HPSE2: variants seen among roughly 807,000 people sequenced by gnomAD.
The protein encoded by HPSE2 is inactive heparanase-2.
HPSE2 carries 38 observed loss-of-function variants against 60.5 expected under a neutral mutation model. The observed-to-expected ratio is 0.63, with a 90% CI of 0.48 to 0.82. The LOEUF (loss-of-function observed/expected upper bound fraction) is 0.82, where lower values mean the gene tolerates loss of function less well. Among genes scored for constraint, HPSE2 ranks in the 40% least tolerant of loss-of-function variants. The probability of loss-of-function intolerance (pLI) is 0.00; values close to 1 mark genes in which losing one functional copy is unlikely to be tolerated. For synonymous variants in HPSE2, 295 were observed against 293.2 expected (o/e 1.01, Z -0.06); for missense variants, 713 against 740.4 (o/e 0.96, Z 0.43).
chr10:98,936,840 G>A lies in HPSE2; in HGVS notation c.611-192784C>T, dbSNP rs1216635729. Among the ~76,000 whole-genome samples the A allele has an allele frequency of 4.2e-4, 59 of 140,608 alleles. 13 individuals carry two copies. The highest frequency in any genetic ancestry group is 1.6e-3 in the African/African-American group (53 of 33,634). The allele number at this position is 140,608 out of a possible 152,430, so 92.2% of individuals were successfully genotyped here. A position where few individuals can be genotyped will look rare whatever the true frequency, so the allele number is the denominator to read the frequency against. On this transcript the variant is annotated intron_variant, in intron 3 of 11. Coordinates refer to ENST00000370552, the MANE Select transcript of HPSE2 (RefSeq NM_021828.5). Reference sequence around the variant, plus strand: ...CTAAAAATACAAAAATTAGCTGGGCGTGGTAGCACACACCTGTAATCCCAG... The same window carrying A: ...CTAAAAATACAAAAATTAGCTGGGCATGGTAGCACACACCTGTAATCCCAG...
intron 2 of HPSE2, among the ~76,000 whole-genome samples, chr10:99,222,133 AG>A (rs1179893423): frequency 6.6e-6 from 1 of 152,048 alleles, no homozygotes; most frequent in Non-Finnish European, 1.5e-5. Context: ...CCTTTCCTCT[AG>A]GGGAAAGGCC....
At chr10:99,077,787 C>G (rs933488250) in intron 3 of HPSE2, among the ~76,000 whole-genome samples, 1 of 151,798 alleles carries the variant, frequency 6.6e-6, no homozygotes, top group Non-Finnish European at 1.5e-5. Flanking sequence ...TTTGTTAATA[C>G]ATTGTTCTCC....
At chr10:98,533,752 G>GTAGA (rs1284885844) in intron 9 of HPSE2, among the ~76,000 whole-genome samples, 6 of 152,284 alleles carry the variant, frequency 3.9e-5, no homozygotes, top group Admixed American at 2.6e-4. Context: ...GCAGACTTTG[G>GTAGA]TAGACTCTGG....
rs745785552 is a variant in HPSE2 at position 98,614,923 on chromosome 10, T to C, written c.1301A>G (p.Gln434Arg). ...ACTTACTGGTAATGGGTTAAAATTCTGGTCCACGAGGTGATTGTATCCATG... is the reference window on the plus strand; with the variant it reads ...ACTTACTGGTAATGGGTTAAAATTCCGGTCCACGAGGTGATTGTATCCATG... Reference protein sequence around the residue: ...FDHGYNHLVDQNFNPLPDYWL... With the variant: ...FDHGYNHLVDRNFNPLPDYWL... Residue 434 changes from glutamine to arginine, a missense_variant, in exon 9 of 12, where the codon CAG becomes CGG. Gln to Arg is a conservative substitution (Grantham distance 43). Transcript: ENST00000370552. 60 of 1,612,790 alleles carry C rather than the reference T, an allele frequency of 3.7e-5. No homozygotes were observed. Among genetic ancestry groups the C allele is most frequent in the Non-Finnish European group, 4.9e-5 (58 of 1,178,860 alleles).
intron 3 of HPSE2, among the ~76,000 whole-genome samples, chr10:98,888,158 A>ACT (rs1953224975): frequency 6.6e-6 from 1 of 151,370 alleles, no homozygotes; most frequent in South Asian, 2.1e-4. Context: ...ACACACACAC[A>ACT]CACACACACA....
At chr10:98,742,808 C>CAT (rs1306520707) in intron 4 of HPSE2, among the ~76,000 whole-genome samples, 17 of 151,342 alleles carry the variant, frequency 1.1e-4, no homozygotes, top group Non-Finnish European at 2.1e-4. Flanking sequence ...CACACACACA[C>CAT]ACACACACAC....
chr10:98,939,984 T>G lies in HPSE2; in HGVS notation c.611-195928A>C, dbSNP rs1287996064. On this transcript the variant is annotated intron_variant, in intron 3 of 11. Coordinates refer to ENST00000370552, the MANE Select transcript of HPSE2 (RefSeq NM_021828.5). ...GAACAACCTGCTCCTGAATGACTAC[T>G]GGGTACACAACGAAATGAAGGCAGA... 1.1e-4 allele frequency among the ~76,000 whole-genome samples: 16 copies of G among 143,564 alleles called. 2 individuals carry two copies. Among genetic ancestry groups the G allele is most frequent in the Non-Finnish European group, 1.9e-4 (13 of 67,124 alleles). 94.2% of individuals were successfully genotyped at this position (143,564 alleles called of 152,430 possible). A position where few individuals can be genotyped will look rare whatever the true frequency, so the allele number is the denominator to read the frequency against.
At chr10:98,608,722 T>C (rs1945664365) in intron 9 of HPSE2, among the ~76,000 whole-genome samples, 1 of 152,150 alleles carries the variant, frequency 6.6e-6, no homozygotes, top group Non-Finnish European at 1.5e-5. Flanking sequence ...GGTGAAATCT[T>C]TGTCAGGGCC....
intron 4 of HPSE2, among the ~76,000 whole-genome samples, chr10:98,727,468 C>G (rs1308514980): frequency 2.0e-5 from 3 of 151,966 alleles, no homozygotes; most frequent in Admixed American, 6.6e-5. Context: ...CTGGCCAACA[C>G]AGTGAAACCC....
At chr10:98,578,879 C>A (rs1342727683) in intron 9 of HPSE2, among the ~76,000 whole-genome samples, 2 of 152,130 alleles carry the variant, frequency 1.3e-5, no homozygotes, top group African/African-American at 2.4e-5. Context: ...AGCTCAGTTA[C>A]CCCTTAAAAT....
chr10:99,295,119 A>G, the HPSE2 span, among the ~76,000 whole-genome samples: 2 of 152,254 alleles, frequency 1.3e-5, no homozygotes, highest in African/African-American at 2.4e-5. Context: ...AACAGTAATA[A>G]TAGCCTTTCA....
rs368911242 is a variant in HPSE2 at position 98,464,032 on chromosome 10, G to T, written c.1614-4293C>A. ...CTCAGGAGGCTGATGCAGAAGAATT[G>T]CTTGAATCCGGGATGCAGAGGTTGC... On this transcript the variant is annotated intron_variant, in intron 11 of 11. Transcript: ENST00000370552. Among the ~76,000 whole-genome samples the T allele has an allele frequency of 2.3e-3, 354 of 152,124 alleles. 2 individuals carry two copies. The highest frequency in any genetic ancestry group is 7.6e-3 in the African/African-American group (316 of 41,502).
chr10:99,107,543 G>A (rs1398253439), intron 3 of HPSE2, among the ~76,000 whole-genome samples: 1 of 152,042 alleles, frequency 6.6e-6, no homozygotes, highest in African/African-American at 2.4e-5. Context: ...TATTAAGATT[G>A]TAATTCTAAA....
chr10:98,797,866 CA>C (rs1296764389), intron 3 of HPSE2, among the ~76,000 whole-genome samples: 1 of 151,242 alleles, frequency 6.6e-6, no homozygotes, highest in Non-Finnish European at 1.5e-5. Flanking sequence ...AACAAAAAAA[CA>C]AAAAAACAAA....
chr10:99,309,017 C>T, the HPSE2 span, among the ~76,000 whole-genome samples: 16 of 151,810 alleles, frequency 1.1e-4, no homozygotes, highest in South Asian at 1.5e-3. Flanking sequence ...TGAGTGCTGG[C>T]AGAGAGCTGT....
chr10:98,620,192 G>GT (rs1304040348), intron 8 of HPSE2, among the ~76,000 whole-genome samples: 4 of 152,286 alleles, frequency 2.6e-5, no homozygotes, highest in African/African-American at 9.6e-5. Context: ...GCTTTACAAT[G>GT]TAGTTATCTC....
At chr10:98,871,161 T>A (rs1407806268) in intron 3 of HPSE2, among the ~76,000 whole-genome samples, 1 of 152,048 alleles carries the variant, frequency 6.6e-6, no homozygotes, top group African/African-American at 2.4e-5. Context: ...TATTCCTTTA[T>A]GGCAATGCAG....
At chr10:98,805,172 T>C (rs941695815) in intron 3 of HPSE2, among the ~76,000 whole-genome samples, 17 of 152,028 alleles carry the variant, frequency 1.1e-4, no homozygotes, top group Non-Finnish European at 1.9e-4. Flanking sequence ...GAGGAGGTGG[T>C]ATGATTAACC....
intron 2 of HPSE2, among the ~76,000 whole-genome samples, chr10:99,208,486 A>C (rs1424655810): frequency 1.3e-5 from 2 of 152,154 alleles, no homozygotes; most frequent in Non-Finnish European, 2.9e-5. Context: ...GGAATTCAAG[A>C]CCAGCCTGGG....
Sources: allele counts gnomAD v4.1 joint callset (sites outside exome capture counted in the v4.1 genomes callset), GRCh38; gene constraint gnomAD v4.1.1; transcripts MANE v1.5; gene names NCBI Gene and HGNC (gene_info 2026-07-23, HGNC 2026-07-21).